CSMD1: variants seen among roughly 807,000 people sequenced by gnomAD.
The protein encoded by CSMD1 is CUB and sushi domain-containing protein 1.
Under a neutral mutation model 417.5 loss-of-function variants are expected in CSMD1, and 213 were observed. The ratio of observed to expected loss-of-function variants is 0.51; its 90% CI spans 0.46 to 0.57. The LOEUF (loss-of-function observed/expected upper bound fraction) is 0.57. Ranked by LOEUF, CSMD1 falls within the 20% of genes least tolerant of loss-of-function variation. The pLI is 0.00. For missense variants in CSMD1, 6,923 were observed against 4,529.7 expected (o/e 1.53, Z -15.17); for synonymous variants, 2,862 against 1,736.8 (o/e 1.65, Z -16.11).
chr8:4,474,068 A>G (rs1288695180), intron 2 of CSMD1, among the ~76,000 whole-genome samples: 2 of 152,208 alleles, frequency 1.3e-5, no homozygotes, highest in Admixed American at 6.5e-5. Context: ...ATGCAAACGT[A>G]TAATGTATGC....
intron 3 of CSMD1, among the ~76,000 whole-genome samples, chr8:4,351,761 G>A (rs1286259184): frequency 6.6e-6 from 1 of 152,098 alleles, no homozygotes; most frequent in South Asian, 2.1e-4. Flanking sequence ...CACTTGAGAA[G>A]ATGTGAAATT....
intron 12 of CSMD1, among the ~76,000 whole-genome samples, chr8:3,439,133 A>C (rs1585165951): frequency 8.0e-6 from 1 of 125,708 alleles, no homozygotes; most frequent in African/African-American, 3.4e-5. Flanking sequence ...AAAAAAAAAA[A>C]AAAAAAAAAA....
intron 7 of CSMD1, among the ~76,000 whole-genome samples, chr8:3,690,464 G>C (rs903723914): frequency 6.6e-6 from 1 of 152,226 alleles, no homozygotes; most frequent in African/African-American, 2.4e-5. Context: ...TAGTGTTCAA[G>C]GCTTCTCAAC....
At position 3,103,303 on chromosome 8, in the gene CSMD1, T is replaced by C. The variant is rs370123124; in HGVS notation, c.6949+3225A>G. Among the ~76,000 whole-genome samples, 210 of 152,290 alleles carry C rather than the reference T, an allele frequency of 1.4e-3. 4 individuals carry two copies. In the South Asian group the frequency reaches 0.016, roughly 12 times the overall value. ...TCCTCAGTTTATCTGCATCTCGTTA[T>C]TGGGACATGAAAAATAGCAGCCCCA... On this transcript the variant is annotated intron_variant, in intron 46 of 69. Coordinates refer to ENST00000635120, the MANE Select transcript of CSMD1 (RefSeq NM_033225.6).
chr8:3,237,233 C>A (rs572115629), intron 26 of CSMD1, among the ~76,000 whole-genome samples: 19 of 132,966 alleles, frequency 1.4e-4, no homozygotes, highest in African/African-American at 5.0e-4. Context: ...TTTGGGAGGC[C>A]GAGGCGAGTG....
chr8:4,172,092 G>C (rs138287927), intron 3 of CSMD1, among the ~76,000 whole-genome samples: 6 of 152,188 alleles, frequency 3.9e-5, no homozygotes, highest in African/African-American at 1.4e-4. Flanking sequence ...GCGTATCACG[G>C]AGAGTTTATC....
Position 3,290,701 on chromosome 8 carries a change from C to T in CSMD1, c.3951-6355G>A, listed in dbSNP as rs1343985734. On this transcript the variant is annotated intron_variant, in intron 25 of 69. Coordinates refer to ENST00000635120, the MANE Select transcript of CSMD1 (RefSeq NM_033225.6). Reference sequence around the variant, plus strand: ...GTATCCTGAGACTTTGCTGAAGTTGCTTATCAGCTTAAGGAGATTTTGGGC... The same window carrying T: ...GTATCCTGAGACTTTGCTGAAGTTGTTTATCAGCTTAAGGAGATTTTGGGC... Among the ~76,000 whole-genome samples the T allele has an allele frequency of 1.4e-5, 2 of 147,204 alleles. 1 individual carries two copies. Among genetic ancestry groups the T allele is most frequent in the Admixed American group, 1.3e-4 (2 of 14,952 alleles).
At chr8:4,486,230 CATATATATATATATACATACAT>C (rs1365721926) in intron 2 of CSMD1, among the ~76,000 whole-genome samples, 354 of 16,286 alleles carry the variant, frequency 0.022, 5 homozygotes, top group African/African-American at 0.059. Flanking sequence ...TATATACATA[CATATATATATATATACATACAT>C]ATATATATAT....
At chr8:4,016,952 A>G (rs75528925) in intron 4 of CSMD1, among the ~76,000 whole-genome samples, 1 of 152,204 alleles carries the variant, frequency 6.6e-6, no homozygotes, top group Non-Finnish European at 1.5e-5. Flanking sequence ...GAAACTCCTT[A>G]AAGTCAAAAT....
intron 1 of CSMD1, among the ~76,000 whole-genome samples, chr8:4,846,372 GC>G (rs1438985683): frequency 2.6e-5 from 4 of 152,152 alleles, no homozygotes; most frequent in African/African-American, 9.7e-5. Flanking sequence ...TGCTTGGAGG[GC>G]TGACATGGTG....
intron 3 of CSMD1, among the ~76,000 whole-genome samples, chr8:4,273,247 G>A (rs576753321): frequency 1.3e-5 from 2 of 152,052 alleles, no homozygotes; most frequent in East Asian, 1.9e-4. Flanking sequence ...TTATAAAAAG[G>A]CAATGAGCAT....
chr8:3,306,388 G>C (rs528583899), intron 25 of CSMD1, among the ~76,000 whole-genome samples: 1 of 152,324 alleles, frequency 6.6e-6, no homozygotes, highest in East Asian at 1.9e-4. Flanking sequence ...TGGCCAGGCT[G>C]ATCTCGAACT....
At chr8:4,727,905 A>G (rs1809565535) in intron 1 of CSMD1, among the ~76,000 whole-genome samples, 1 of 147,488 alleles carries the variant, frequency 6.8e-6, no homozygotes, top group Non-Finnish European at 1.5e-5. Context: ...TACCACATAT[A>G]TATATATACC....
intron 18 of CSMD1, among the ~76,000 whole-genome samples, chr8:3,378,889 C>A (rs557650336): frequency 6.6e-6 from 1 of 152,272 alleles, no homozygotes; most frequent in East Asian, 1.9e-4. Context: ...ATTGGAAGTT[C>A]TGGCCAGGGT....
Position 3,164,962 on chromosome 8 carries a change from A to G in CSMD1, c.5726-2685T>C, listed in dbSNP as rs565221548. ...ATTCTATTCAATTGATCCTCTGGGG[A>G]AAAAAAAATTGCATTTATATCTGGC... On this transcript the variant is annotated intron_variant, in intron 37 of 69. Transcript: ENST00000635120. Among the ~76,000 whole-genome samples the G allele has an allele frequency of 9.9e-5, 15 of 150,780 alleles. No homozygotes were observed. The East Asian group carries it at 1.6e-3, about 16-fold the overall frequency.
rs58098142 is a variant in CSMD1, at chr8:4,562,959, C to A, written c.302+74383G>T. Among the ~76,000 whole-genome samples the A allele has an allele frequency of 8.7e-4, 133 of 152,258 alleles. 2 individuals carry two copies. Among genetic ancestry groups the A allele is most frequent in the African/African-American group, 3.0e-3 (126 of 41,540 alleles). On this transcript the variant is annotated intron_variant, in intron 2 of 69. Coordinates refer to ENST00000635120, the MANE Select transcript of CSMD1 (RefSeq NM_033225.6). ...CTACTTTCTTAAACAGAAGTTGTCA[C>A]AGGTAAGCAAAATCTATCCTGTAGG...
intron 17 of CSMD1, among the ~76,000 whole-genome samples, chr8:3,393,826 C>G (rs1405091526): frequency 6.6e-6 from 1 of 150,748 alleles, no homozygotes; most frequent in Non-Finnish European, 1.5e-5. Context: ...ACATCACACT[C>G]TGGGGCCTGT....
intron 1 of CSMD1, among the ~76,000 whole-genome samples, chr8:4,782,314 G>C (rs1486498643): frequency 6.6e-6 from 1 of 152,130 alleles, no homozygotes; most frequent in Non-Finnish European, 1.5e-5. Context: ...TAGTTACCTT[G>C]ATTTGATCAT....
chr8:4,068,671 G>T lies in CSMD1; in HGVS notation c.416-36572C>A, dbSNP rs192652822. ...AGTTTAAGATAAAAAAAATGGAAAA[G>T]ATAAAACTATTATTCTCATTTCAAG... On this transcript the variant is annotated intron_variant, in intron 3 of 69. Transcript: ENST00000635120. Among the ~76,000 whole-genome samples, 7 of 152,186 alleles carry T rather than the reference G, an allele frequency of 4.6e-5. No homozygotes were observed. In the East Asian group the frequency reaches 1.4e-3, roughly 29 times the overall value.
Sources: allele counts gnomAD v4.1 joint callset (sites outside exome capture counted in the v4.1 genomes callset), GRCh38; gene constraint gnomAD v4.1.1; transcripts MANE v1.5; gene names NCBI Gene and HGNC (gene_info 2026-07-23, HGNC 2026-07-21).